Variants in PTPRG observed in about 807,000 individuals in gnomAD.
The protein encoded by PTPRG is protein tyrosine phosphatase receptor type G.
A neutral mutation model predicts 165.3 loss-of-function variants in PTPRG; 102 were observed. The ratio of observed to expected loss-of-function variants is 0.62; its 90% CI spans 0.53 to 0.73. The LOEUF (loss-of-function observed/expected upper bound fraction) is 0.73. Ranked by LOEUF, PTPRG falls within the 30% of genes least tolerant of loss-of-function variation. The pLI is 0.00. For missense variants in PTPRG, 1,866 were observed against 1,861.4 expected, an observed-to-expected ratio of 1.00 and a Z score of -0.05; for synonymous variants, 675 against 669.5, an observed-to-expected ratio of 1.01 and a Z score of -0.13.
intron 23 of PTPRG, 141 bp from the exon 24 acceptor site, chr3:62,275,732 G>A: frequency 1.6e-6 from 1 of 609,184 alleles, no homozygotes; most frequent in Non-Finnish European, 2.8e-6. Flanking sequence ...AAGAGAGCAA[G>A]ACCCTGTGTC....
chr3:61,935,751 GTCA>G (rs1285980802), intron 2 of PTPRG, among the ~76,000 whole-genome samples: 1 of 149,702 alleles, frequency 6.7e-6, no homozygotes, highest in Non-Finnish European at 1.5e-5. Context: ...AATCCAAGAA[GTCA>G]TCATATATAT....
intron 4 of PTPRG, among the ~76,000 whole-genome samples, chr3:62,066,468 C>T (rs957790865): frequency 1.3e-4 from 20 of 152,110 alleles, no homozygotes; most frequent in Non-Finnish European, 2.8e-4. Flanking sequence ...GTGGCTGTTA[C>T]TCCCAAGTAC....
chr3:61,899,714 G>T (rs551243260), intron 2 of PTPRG, among the ~76,000 whole-genome samples: 1 of 152,238 alleles, frequency 6.6e-6, no homozygotes, highest in Non-Finnish European at 1.5e-5. Flanking sequence ...CAGTAGATTT[G>T]GGGGCAGGGG....
rs1266944034 is a variant in PTPRG, at chr3:62,263,969, A to T, written c.2656+1075A>T. 2.6e-5 allele frequency: 4 copies of T among 152,246 alleles called. No individual in the cohort carries two copies. In the East Asian group the frequency reaches 7.7e-4, roughly 29 times the overall value. The allele number at this position is 152,246 out of a possible 1,614,324, so 9.4% of individuals were successfully genotyped here. A position where few individuals can be genotyped will look rare whatever the true frequency, so the allele number is the denominator to read the frequency against. ...GAGACCATCCTGGCTAATGCGGTGA[A>T]ACCCTGTCTCTACTAAAAATACAAA... On this transcript the variant is annotated intron_variant, in intron 17 of 29. Coordinates refer to ENST00000474889, the MANE Select transcript of PTPRG (RefSeq NM_002841.4).
intron 2 of PTPRG, among the ~76,000 whole-genome samples, chr3:61,860,398 G>A (rs2037227811): frequency 6.8e-6 from 1 of 147,918 alleles, no homozygotes; most frequent in Admixed American, 6.7e-5. Context: ...CCCAGGCATA[G>A]AAGGATAATA....
intron 10 of PTPRG, among the ~76,000 whole-genome samples, chr3:62,197,919 T>C (rs1700008090): frequency 6.6e-6 from 1 of 152,238 alleles, no homozygotes. Flanking sequence ...GACGTGAGTT[T>C]ACTCATTACA....
chr3:62,000,920 C>T (rs2041158793), intron 3 of PTPRG, among the ~76,000 whole-genome samples: 1 of 152,138 alleles, frequency 6.6e-6, no homozygotes, highest in Admixed American at 6.5e-5. Context: ...ATAGCCCAGC[C>T]AGGTAGGCAC....
intron 2 of PTPRG, among the ~76,000 whole-genome samples, chr3:61,868,904 GTTTTTT>G (rs527368077): frequency 7.0e-6 from 1 of 143,814 alleles, no homozygotes; most frequent in East Asian, 2.0e-4. Flanking sequence ...TCAGAAGGGT[GTTTTTT>G]TTTTTTGAAG....
In PTPRG at chr3:61,593,297, A is replaced by G. The variant is rs574899258; in HGVS notation, c.85+30925A>G. Among the ~76,000 whole-genome samples the G allele has an allele frequency of 2.0e-3, 308 of 152,220 alleles. 1 individual carries two copies. The highest frequency in any genetic ancestry group is 0.018 in the Admixed American group (277 of 15,270). On this transcript the variant is annotated intron_variant, in intron 1 of 29. Transcript: ENST00000474889. The stretch of plus-strand genomic sequence containing the variant: ...TGAAACCCTAAAGCAGTGTGTGTCA[A>G]GAGAGGCCCCACCATGATGAATTGC...
chr3:62,052,435 C>T (rs1559768583), intron 4 of PTPRG, among the ~76,000 whole-genome samples: 1 of 152,216 alleles, frequency 6.6e-6, no homozygotes, highest in Non-Finnish European at 1.5e-5. Context: ...CGGCTGATGC[C>T]TGTAATCCCA....
At chr3:61,891,641 T>C (rs2038218449) in intron 2 of PTPRG, among the ~76,000 whole-genome samples, 1 of 152,192 alleles carries the variant, frequency 6.6e-6, no homozygotes, top group Admixed American at 6.5e-5. Flanking sequence ...GGAAAGCACA[T>C]GAGGTAGCTG....
At chr3:61,923,448 G>A (rs2039130069) in intron 2 of PTPRG, among the ~76,000 whole-genome samples, 2 of 151,510 alleles carry the variant, frequency 1.3e-5, no homozygotes, top group Non-Finnish European at 2.9e-5. Context: ...GGGTACATGT[G>A]CACAACGAGC....
chr3:61,917,879 C>T (rs1315132413), intron 2 of PTPRG, among the ~76,000 whole-genome samples: 1 of 152,106 alleles, frequency 6.6e-6, no homozygotes, highest in Non-Finnish European at 1.5e-5. Flanking sequence ...TTGCAGTGAG[C>T]CGAGATCACG....
intron 1 of PTPRG, among the ~76,000 whole-genome samples, chr3:61,628,983 G>A (rs1023285632): frequency 6.6e-6 from 1 of 152,074 alleles, no homozygotes; most frequent in Non-Finnish European, 1.5e-5. Flanking sequence ...AGGTAATGTG[G>A]GCTGTTTTTC....
chr3:62,158,114 A>T (rs1704609607), intron 7 of PTPRG, among the ~76,000 whole-genome samples: 1 of 152,194 alleles, frequency 6.6e-6, no homozygotes, highest in Admixed American at 6.5e-5. Flanking sequence ...TAGGCTGGGC[A>T]GTTAACTGTG....
chr3:62,216,789 A>G (rs188479568), intron 12 of PTPRG, among the ~76,000 whole-genome samples: 4 of 152,304 alleles, frequency 2.6e-5, no homozygotes, highest in African/African-American at 9.6e-5. Context: ...CCCTGGCTTC[A>G]TCTGCCTTCC....
intron 2 of PTPRG, among the ~76,000 whole-genome samples, chr3:61,878,498 G>A (rs1282640603): frequency 6.6e-6 from 1 of 151,720 alleles, no homozygotes; most frequent in Non-Finnish European, 1.5e-5. Flanking sequence ...GTTTGTTTTT[G>A]TTTTTCATTA....
rs1017622379 is a variant in PTPRG, at chr3:62,252,303, C to T, written c.2468-2821C>T. Among the ~76,000 whole-genome samples, 2 of 152,192 alleles carry T rather than the reference C, an allele frequency of 1.3e-5. No homozygotes were observed. The highest frequency in any genetic ancestry group is 2.1e-4 in the South Asian group (1 of 4,830). On this transcript the variant is annotated intron_variant, in intron 15 of 29. Coordinates refer to ENST00000474889, the MANE Select transcript of PTPRG (RefSeq NM_002841.4). This position sits in a 1 kb window ranked among gnomAD's most constrained non-coding sequence, Gnocchi z 4.6. ...TGGCTGAATACTAGGTGCTCAGAAA[C>T]GGCTTCATCCAGGGGTTTCCCATTC... is the stretch of plus-strand genomic sequence containing the variant.
chr3:62,231,132 G>T, intron 13 of PTPRG, 93 bp from the exon 14 acceptor site: 1 of 932,486 alleles, frequency 1.1e-6, no homozygotes, highest in East Asian at 3.1e-5. Context: ...GTCTGTGTTA[G>T]ATGGGAGGGG....
Sources: allele counts gnomAD v4.1 joint callset (sites outside exome capture counted in the v4.1 genomes callset), GRCh38; gene constraint gnomAD v4.1.1; non-coding constraint Gnocchi (gnomAD v3.1); transcripts MANE v1.5; gene names NCBI Gene and HGNC (gene_info 2026-07-23, HGNC 2026-07-21).